The following NEB variants were observed in gnomAD, a reference collection of about 807,000 sequenced individuals.
NEB encodes the protein nemaline myopathy type 2.
NEB carries 512 observed loss-of-function variants against 952.2 expected under a neutral mutation model. That is an observed-to-expected ratio of 0.54 (90% CI 0.50 to 0.58). The LOEUF (loss-of-function observed/expected upper bound fraction) is 0.58, where lower values mean the gene tolerates loss of function less well. Ranked by LOEUF, NEB falls within the 20% of genes least tolerant of loss-of-function variation. The pLI, the probability that NEB is intolerant of heterozygous loss-of-function variation, is 0.00. For synonymous variants in NEB, 2,900 were observed against 3,149.8 expected (o/e 0.92, Z 2.66); for missense variants, 8,428 against 9,231.1 (o/e 0.91, Z 3.56).
At chr2:151,733,600 C>T (rs2099813975) in intron 2 of NEB, 112 bp downstream of exon 2, 1 of 155,820 alleles carries the variant, frequency 6.4e-6, no homozygotes, top group African/African-American at 2.5e-5. Flanking sequence ...TCTAAGAGGG[C>T]TGACTTAGTT....
At chr2:151,691,731 CA>C in intron 23 of NEB, 132 bp downstream of exon 23, 1 of 764,070 alleles carries the variant, frequency 1.3e-6, no homozygotes, top group Non-Finnish European at 2.2e-6. Flanking sequence ...GGTTCCACCC[CA>C]AAACCAAAAT....
intron 105 of NEB, among the ~76,000 whole-genome samples, chr2:151,576,679 G>A (rs924342043): frequency 2.0e-5 from 3 of 150,622 alleles, no homozygotes; most frequent in African/African-American, 2.4e-5. Context: ...CTACAGGCAC[G>A]TGCCATGATG....
intron 142 of NEB, chr2:151,534,349 A>T: frequency 6.3e-7 from 1 of 1,576,608 alleles, no homozygotes; most frequent in Non-Finnish European, 8.7e-7. Context: ...TATTATAGCA[A>T]GAGTACAACT....
At position 151,667,868 on chromosome 2, in the gene NEB, T is replaced by C. The variant is rs1257025966; in HGVS notation, c.4655A>G (p.Tyr1552Cys). The change falls in exon 40 of 182, where the codon TAT becomes TGT. Residue 1552 changes from tyrosine to cysteine, a missense_variant. By Grantham distance (194) the Tyr-to-Cys change is radical. Coordinates refer to ENST00000397345, the MANE Select transcript of NEB (RefSeq NM_001164508.2). ...TGGGATGGCATCTGGTCTCAAATCA[T>C]AGCCCTTGGCAATGGTTTTCTTCCA... ...ADWKKTIAKG[Y>C]DLRPDAIPIV... The C allele has an allele frequency of 4.3e-6, 7 of 1,612,718 alleles. No individual in the cohort carries two copies. Among genetic ancestry groups the C allele is most frequent in the Admixed American group, 1.7e-5 (1 of 59,990 alleles).
chr2:151,520,316 T>C (rs192951371), intron 153 of NEB, among the ~76,000 whole-genome samples: 3 of 152,238 alleles, frequency 2.0e-5, no homozygotes, highest in Admixed American at 6.5e-5. Context: ...TAAACAAATA[T>C]GAGAGTTTGG....
chr2:151,664,008 C>T (rs2099176197), intron 44 of NEB, 149 bp from the exon 45 acceptor site: 1 of 649,010 alleles, frequency 1.5e-6, no homozygotes, highest in Non-Finnish European at 2.4e-6. Context: ...AGGGAGCAAA[C>T]TCTTTTTACT....
At chr2:151,559,788 C>T (rs567365256) in intron 124 of NEB, among the ~76,000 whole-genome samples, 1 of 152,146 alleles carries the variant, frequency 6.6e-6, no homozygotes, top group African/African-American at 2.4e-5. Flanking sequence ...TGGGTCCTCT[C>T]AGGGAGTAGG....
intron 13 of NEB, among the ~76,000 whole-genome samples, chr2:151,701,702 G>A (rs1479083533): frequency 6.6e-5 from 10 of 150,560 alleles, no homozygotes; most frequent in Non-Finnish European, 8.9e-5. Flanking sequence ...CTGTGGGATC[G>A]GTGGTGATAT....
chr2:151,492,089 C>T lies in NEB; in HGVS notation c.25057+9G>A, dbSNP rs2152820055. On this transcript the variant is annotated intron_variant, in intron 178 of 181. Coordinates refer to ENST00000397345, the MANE Select transcript of NEB (RefSeq NM_001164508.2). ...AGTTAATCCCCTCCCCCAACCCAGGCTCAGTTACCTGTAATAGTCTCCTGA... is the reference window on the plus strand; with the variant it reads ...AGTTAATCCCCTCCCCCAACCCAGGTTCAGTTACCTGTAATAGTCTCCTGA... The T allele has an allele frequency of 6.2e-7, 1 of 1,613,466 alleles. No individual in the cohort carries two copies.
intron 20 of NEB, among the ~76,000 whole-genome samples, chr2:151,693,567 C>T (rs947622154): frequency 6.6e-6 from 1 of 152,138 alleles, no homozygotes; most frequent in African/African-American, 2.4e-5. Context: ...GCTTCCAGCT[C>T]CATCCATGTC....
chr2:151,694,532 T>C lies in NEB; in HGVS notation c.1772A>G (p.Asn591Ser), dbSNP rs1441874373. Reference protein sequence around the residue: ...PLLAAKANTKNTSDVMYKKDY... With the variant: ...PLLAAKANTKSTSDVMYKKDY... ...CCAGGCCACACTCACATCGCTGGTGTTCTTGGTGTTGGCTTTGGCTGCCAG... is the reference window on the plus strand; with the variant it reads ...CCAGGCCACACTCACATCGCTGGTGCTCTTGGTGTTGGCTTTGGCTGCCAG... Residue 591 changes from asparagine to serine, a missense_variant, in exon 19 of 182, where the codon AAC becomes AGC. By Grantham distance (46) the Asn-to-Ser change is conservative. Coordinates refer to ENST00000397345, the MANE Select transcript of NEB (RefSeq NM_001164508.2). 2 of 1,613,350 alleles carry C rather than the reference T, an allele frequency of 1.2e-6. No homozygotes were observed. Among genetic ancestry groups the C allele is most frequent in the Non-Finnish European group, 1.7e-6 (2 of 1,179,574 alleles).
chr2:151,660,944 A>T (rs908920368), intron 46 of NEB, among the ~76,000 whole-genome samples: 2 of 152,218 alleles, frequency 1.3e-5, no homozygotes, highest in African/African-American at 4.8e-5. Flanking sequence ...TATTAATATG[A>T]TTTATGTAAA....
At position 151,697,538 on chromosome 2, in the gene NEB, G is replaced by A; in HGVS notation, c.1257+6C>T. On this transcript the variant is annotated splice_donor_region_variant and intron_variant, in intron 14 of 181. Transcript: ENST00000397345. The stretch of plus-strand genomic sequence containing the variant: ...TAACAGAAAGAGTGACAGTAGGATT[G>A]CTTACATCACTACTGAAGTTCTGCA... 1 of 1,610,488 alleles carries A rather than the reference G, an allele frequency of 6.2e-7. No individual in the cohort carries two copies. The highest frequency in any genetic ancestry group is 1.1e-5 in the South Asian group (1 of 90,642).
Position 151,518,383 on chromosome 2 carries a change from A to G in NEB, c.22735T>C (p.Tyr7579His). Residue 7579 changes from tyrosine to histidine, a missense_variant, in exon 156 of 182, where the codon TAC (tyrosine) becomes CAC (histidine). Physicochemically the swap from Tyr to His is moderately conservative, Grantham distance 83. Around this residue, in one of 11 missense-constraint regions of NEB, gnomAD observed 3,374 missense variants for 3,651.5 expected, o/e 0.92. Transcript: ENST00000397345. ...TCCAGATTATCGGGTATGGTGTGGT[A>G]GTGGCCTTTACTCTTCTCATACTTC... ...KKKYEKSKGH[Y>H]HTIPDNLEQL... is the part of the protein sequence containing the mutation. The G allele has an allele frequency of 1.2e-6, 2 of 1,612,354 alleles. No individual in the cohort carries two copies. Among genetic ancestry groups the G allele is most frequent in the Middle Eastern group, 1.7e-4 (1 of 6,054 alleles).
At chr2:151,527,399 T>G in intron 147 of NEB, 82 bp downstream of exon 147, 1 of 1,082,994 alleles carries the variant, frequency 9.2e-7, no homozygotes, top group Non-Finnish European at 1.4e-6. Context: ...ACACTCATGA[T>G]AGTGGTTATT....
intron 36 of NEB, among the ~76,000 whole-genome samples, chr2:151,673,657 A>G (rs2099327072): frequency 6.6e-6 from 1 of 151,606 alleles, no homozygotes; most frequent in Non-Finnish European, 1.5e-5. Flanking sequence ...TCTCAAACCA[A>G]GATTTTATTC....
chr2:151,567,337 G>C lies in NEB; in HGVS notation c.17987C>G (p.Thr5996Arg). ...AGCAGGTATATTGATTTTGGCCTTT[G>C]TTTTGTGATAGTCCTCTTTGTATAG... is the stretch of plus-strand genomic sequence containing the variant. ...ERLYKEDYHK[T>R]KAKINIPADM... is the part of the protein sequence containing the mutation. The change falls in exon 114 of 182, where the codon ACA (threonine) becomes AGA (arginine). Residue 5996 changes from threonine (T) to arginine (R), a missense_variant. By Grantham distance (71) the Thr-to-Arg change is moderately conservative. Coordinates refer to ENST00000397345, the MANE Select transcript of NEB (RefSeq NM_001164508.2). The C allele has an allele frequency of 6.2e-7, 1 of 1,613,886 alleles. No homozygotes were observed. The highest frequency in any genetic ancestry group is 8.5e-7 in the Non-Finnish European group (1 of 1,179,836).
chr2:151,733,670 AAAAATAC>A (rs2099814252), intron 2 of NEB, 35 bp downstream of exon 2: 1 of 152,328 alleles, frequency 6.6e-6, no homozygotes, highest in Admixed American at 6.5e-5. Context: ...TGGAACCCAT[AAAAATAC>A]ATCTGTCAAT....
intron 54 of NEB, among the ~76,000 whole-genome samples, chr2:151,646,846 C>T (rs115049343): frequency 9.8e-4 from 149 of 152,252 alleles, no homozygotes; most frequent in African/African-American, 3.4e-3. Context: ...AACAGGGTTT[C>T]GCTACGTTGT....
Sources: gnomAD v4.1 joint callset for allele counts (sites outside exome capture counted in the v4.1 genomes callset) on GRCh38, gnomAD v4.1.1 for gene constraint, gnomAD v4.1.1 regional missense constraint, MANE v1.5 for transcripts, NCBI Gene and HGNC (gene_info 2026-07-23, HGNC 2026-07-21) for gene names.